The following PAX5 variants were observed in gnomAD, a reference collection of about 807,000 sequenced individuals.
PAX5 encodes paired box protein Pax-5.
PAX5 carries 9 observed loss-of-function variants against 43.7 expected under a neutral mutation model. The observed-to-expected ratio is 0.21, with a 90% confidence interval of 0.12 to 0.36. The LOEUF (loss-of-function observed/expected upper bound fraction) is 0.36, where lower values mean the gene tolerates loss of function less well. Ranked by LOEUF, PAX5 falls within the 10% of genes least tolerant of loss-of-function variation. The pLI is 1.00. For missense variants in PAX5, 383 were observed against 532.7 expected (o/e 0.72, Z 2.77); for synonymous variants, 228 against 214.3 (o/e 1.06, Z -0.56).
intron 7 of PAX5, among the ~76,000 whole-genome samples, chr9:36,901,193 T>C (rs1828359486): frequency 6.6e-6 from 1 of 152,148 alleles, no homozygotes; most frequent in African/African-American, 2.4e-5. Flanking sequence ...CTGCAAGGTC[T>C]GCCCCCAGGT....
At chr9:36,864,910 A>C (rs927930786) in intron 8 of PAX5, among the ~76,000 whole-genome samples, 1 of 152,152 alleles carries the variant, frequency 6.6e-6, no homozygotes, top group Non-Finnish European at 1.5e-5. Context: ...CCGAATTAGG[A>C]CCATTTGCAT....
chr9:36,940,356 C>T (rs1292302381), intron 6 of PAX5, among the ~76,000 whole-genome samples: 1 of 152,214 alleles, frequency 6.6e-6, no homozygotes, highest in East Asian at 1.9e-4. Context: ...ACCCATCTTG[C>T]ATAAACAAGG....
At chr9:36,867,791 G>A (rs536301053) in intron 8 of PAX5, among the ~76,000 whole-genome samples, 1 of 151,940 alleles carries the variant, frequency 6.6e-6, no homozygotes. Context: ...CCTGTTTCGG[G>A]CCCTTTATTT....
At chr9:36,850,089 G>A (rs137978101) in intron 8 of PAX5, among the ~76,000 whole-genome samples, 157 of 152,310 alleles carry the variant, frequency 1.0e-3, no homozygotes, top group East Asian at 7.5e-3. Flanking sequence ...AGAGAGAGGC[G>A]GGCATTCCAG....
At position 37,022,497 on chromosome 9, in the gene PAX5, G is replaced by T. The variant is rs1839937600; in HGVS notation, c.47-1696C>A. Among the ~76,000 whole-genome samples the T allele has an allele frequency of 4.6e-5, 7 of 152,142 alleles. No individual in the cohort carries two copies. In the South Asian group the frequency reaches 1.2e-3, roughly 27 times the overall value. On this transcript the variant is annotated intron_variant, in intron 1 of 9. Transcript: ENST00000358127. The stretch of plus-strand genomic sequence containing the variant: ...TTCAAAATTGGTATAAGCTCATCTG[G>T]GAAAACAAAGGGCAGGCAAAGGAAG...
chr9:36,894,499 C>T (rs936182644), intron 7 of PAX5, among the ~76,000 whole-genome samples: 2 of 152,164 alleles, frequency 1.3e-5, no homozygotes, highest in African/African-American at 4.8e-5. Flanking sequence ...AGGCAGTGTG[C>T]GATGGGACAA....
At chr9:37,019,275 C>T (rs1195944968) in intron 2 of PAX5, among the ~76,000 whole-genome samples, 2 of 152,112 alleles carry the variant, frequency 1.3e-5, no homozygotes, top group Admixed American at 6.5e-5. Flanking sequence ...CGCTCCCATC[C>T]GCCTGCCTAA....
chr9:36,950,735 CTTTTTTTT>C (rs55801947), intron 6 of PAX5, among the ~76,000 whole-genome samples: 1 of 116,636 alleles, frequency 8.6e-6, no homozygotes, highest in South Asian at 2.8e-4. Context: ...ACTGAGTTTT[CTTTTTTTT>C]TTTTTTTTTT....
intron 6 of PAX5, among the ~76,000 whole-genome samples, chr9:36,952,389 G>A (rs1480154169): frequency 1.3e-5 from 2 of 151,776 alleles, no homozygotes; most frequent in Admixed American, 6.6e-5. Flanking sequence ...ACAGGCACAT[G>A]CCACCATGCC....
chr9:36,865,907 C>T (rs916080831), intron 8 of PAX5, among the ~76,000 whole-genome samples: 20 of 152,382 alleles, frequency 1.3e-4, no homozygotes, highest in South Asian at 4.1e-4. Flanking sequence ...GCACAAAGGA[C>T]GGCTCAGTGG....
chr9:36,939,106 C>T (rs540706125), intron 6 of PAX5, among the ~76,000 whole-genome samples: 5 of 152,330 alleles, frequency 3.3e-5, no homozygotes, highest in Admixed American at 2.6e-4. Flanking sequence ...CCCTTCTCAG[C>T]GGGAGTATGT....
At chr9:36,901,047 G>A (rs3758161) in intron 7 of PAX5, among the ~76,000 whole-genome samples, 59 of 151,918 alleles carry the variant, frequency 3.9e-4, no homozygotes, top group African/African-American at 1.4e-3. Flanking sequence ...GTCCTCATCC[G>A]TTCTCTCCTG....
Position 36,839,537 on chromosome 9 carries a change from T to G in PAX5, c.*1023A>C, listed in dbSNP as rs1821882316. 1 of 233,240 alleles carries G rather than the reference T, an allele frequency of 4.3e-6. No homozygotes were observed. The highest frequency in any genetic ancestry group is 1.8e-4 in the South Asian group (1 of 5,522). The allele number at this position is 233,240 out of a possible 1,614,324, so 14.4% of individuals were successfully genotyped here. A position where few individuals can be genotyped will look rare whatever the true frequency, so the allele number is the denominator to read the frequency against. ...ATCACCGGAACAGGCTTGCCCAGAA[T>G]CCACTTGCTGGGGTCCTGGAGGGTG... is the stretch of plus-strand genomic sequence containing the variant. On this transcript the variant is annotated 3_prime_UTR_variant, in exon 10 of 10. Coordinates refer to ENST00000358127, the MANE Select transcript of PAX5 (RefSeq NM_016734.3).
At chr9:36,895,266 C>T (rs964677499) in intron 7 of PAX5, among the ~76,000 whole-genome samples, 2 of 152,210 alleles carry the variant, frequency 1.3e-5, no homozygotes, top group Non-Finnish European at 2.9e-5. Flanking sequence ...CCGAATCCGC[C>T]GAATGCATGC....
intron 5 of PAX5, among the ~76,000 whole-genome samples, chr9:36,986,127 C>T (rs2132301420): frequency 6.6e-6 from 1 of 151,998 alleles, no homozygotes; most frequent in East Asian, 1.9e-4. Context: ...CTCCGCTGCC[C>T]AGCTCCCGGC....
At chr9:36,855,046 G>A (rs1295499690) in intron 8 of PAX5, among the ~76,000 whole-genome samples, 1 of 152,180 alleles carries the variant, frequency 6.6e-6, no homozygotes, top group Non-Finnish European at 1.5e-5. Context: ...AGGCTGTTGT[G>A]TCCCCTTCCT....
chr9:36,838,789 G>A lies in PAX5; in HGVS notation c.*1771C>T, dbSNP rs1821823011. 2.6e-5 allele frequency: 6 copies of A among 233,256 alleles called. No homozygotes were observed. 14.4% of individuals were successfully genotyped at this position (233,256 alleles called of 1,614,324 possible). On this transcript the variant is annotated 3_prime_UTR_variant, in exon 10 of 10. Coordinates refer to ENST00000358127, the MANE Select transcript of PAX5 (RefSeq NM_016734.3). ...AGGAGGGGAAGGAAAGAGCTGTGGG[G>A]TGGCCCTACAGATGACCCTGCTGCA...
At chr9:37,018,883 C>T (rs1233884249) in intron 2 of PAX5, among the ~76,000 whole-genome samples, 1 of 152,152 alleles carries the variant, frequency 6.6e-6, no homozygotes, top group African/African-American at 2.4e-5. Context: ...TTGGAGGCTC[C>T]AGAGCACCAG....
chr9:36,954,722 G>A (rs1231559330), intron 6 of PAX5, among the ~76,000 whole-genome samples: 1 of 152,046 alleles, frequency 6.6e-6, no homozygotes, highest in Admixed American at 6.6e-5. Context: ...GATTTAGTAT[G>A]CTTCTTCAAT....
Sources: gnomAD v4.1 joint callset for allele counts (sites outside exome capture counted in the v4.1 genomes callset) on GRCh38, gnomAD v4.1.1 for gene constraint, MANE v1.5 for transcripts, NCBI Gene and HGNC (gene_info 2026-07-23, HGNC 2026-07-21) for gene names.